STEAP1B: variants seen among roughly 807,000 people sequenced by gnomAD.
STEAP1B encodes STEAP family member 1B.
STEAP1B carries 13 observed loss-of-function variants against 27.9 expected under a neutral mutation model. That is an observed-to-expected ratio of 0.47 (90% confidence interval 0.30 to 0.74). The LOEUF (loss-of-function observed/expected upper bound fraction) is 0.74, where lower values mean the gene tolerates loss of function less well. Ranked by LOEUF, STEAP1B falls within the 30% of genes least tolerant of loss-of-function variation. The pLI is 0.06. For synonymous variants in STEAP1B, 86 were observed against 107.1 expected, an observed-to-expected ratio of 0.80 and a Z score of 1.22; for missense variants, 250 against 298.7, an observed-to-expected ratio of 0.84 and a Z score of 1.20.
At chr7:22,494,152 T>C in intron 2 of STEAP1B, among the ~76,000 whole-genome samples, 1 of 146,164 alleles carries the variant, frequency 6.8e-6, no homozygotes, top group East Asian at 2.0e-4. Context: ...CTATTAAAAT[T>C]ATTAAGATTA....
chr7:22,478,968 T>C (rs1221892207), intron 4 of STEAP1B, among the ~76,000 whole-genome samples: 2 of 152,092 alleles, frequency 1.3e-5, no homozygotes, highest in African/African-American at 4.8e-5. Flanking sequence ...CCCGGGGTCC[T>C]TGCCCAGCTC....
At chr7:22,450,302 C>T (rs754874650) in intron 4 of STEAP1B, among the ~76,000 whole-genome samples, 2 of 152,156 alleles carry the variant, frequency 1.3e-5, no homozygotes, top group Non-Finnish European at 2.9e-5. Flanking sequence ...TAGTTTCATA[C>T]TTGGGATCTT....
intron 4 of STEAP1B, among the ~76,000 whole-genome samples, chr7:22,432,747 T>C (rs553947231): frequency 4.6e-4 from 70 of 152,228 alleles, no homozygotes; most frequent in African/African-American, 1.5e-3. Context: ...GTACAATACC[T>C]GAATGAAAAT....
chr7:22,493,365 G>A lies in STEAP1B; in HGVS notation c.556C>T (p.Arg186Ter), dbSNP rs375277186. 70 of 1,613,890 alleles carry A rather than the reference G, an allele frequency of 4.3e-5. No homozygotes were observed. Among genetic ancestry groups the A allele is most frequent in the South Asian group, 1.2e-4 (11 of 91,070 alleles). Residue 186 changes from arginine (R) to a stop codon, truncating the protein, a stop_gained, in exon 3 of 5, where the codon CGA becomes TGA. Transcript: ENST00000678116. LOFTEE classifies it high-confidence loss of function. The part of the protein sequence containing the change: ...AIYTLSYAMR[R>*]SYRYKLLNWA... ...TTTAGCAACTTGTATCTGTAGGATC[G>A]CCTCATTGCGTAAGACAGAGTATAA...
At chr7:22,499,315 T>G (rs572535597) in intron 1 of STEAP1B, among the ~76,000 whole-genome samples, 2 of 152,156 alleles carry the variant, frequency 1.3e-5, no homozygotes, top group Non-Finnish European at 2.9e-5. Context: ...GCACTGCATT[T>G]CCAACCTTTT....
At chr7:22,445,724 A>G (rs1785399892) in intron 4 of STEAP1B, among the ~76,000 whole-genome samples, 1 of 152,290 alleles carries the variant, frequency 6.6e-6, no homozygotes, top group Admixed American at 6.5e-5. Context: ...CTCTCCAAGC[A>G]GCCCAACCCC....
chr7:22,438,507 C>A, intron 4 of STEAP1B: 1 of 1,550,428 alleles, frequency 6.4e-7, no homozygotes, highest in South Asian at 1.2e-5. Context: ...GAAAGATGAT[C>A]AGCAATAACT....
chr7:22,482,308 T>C (rs1786093617), intron 4 of STEAP1B, among the ~76,000 whole-genome samples: 1 of 152,198 alleles, frequency 6.6e-6, no homozygotes, highest in Admixed American at 6.5e-5. Flanking sequence ...CCAGATAAAA[T>C]AGAGGATGCC....
chr7:22,436,305 C>G (rs1785253417), intron 4 of STEAP1B, among the ~76,000 whole-genome samples: 1 of 152,086 alleles, frequency 6.6e-6, no homozygotes, highest in Non-Finnish European at 1.5e-5. Flanking sequence ...ATCCATGAAA[C>G]CATCACCACA....
At chr7:22,448,663 G>A (rs1043298192) in intron 4 of STEAP1B, among the ~76,000 whole-genome samples, 1 of 152,086 alleles carries the variant, frequency 6.6e-6, no homozygotes, top group African/African-American at 2.4e-5. Flanking sequence ...AAAATCAGGA[G>A]AGGTATACTT....
At chr7:22,481,959 T>C (rs968081160) in intron 4 of STEAP1B, among the ~76,000 whole-genome samples, 2 of 152,208 alleles carry the variant, frequency 1.3e-5, no homozygotes, top group Non-Finnish European at 2.9e-5. Context: ...TCATGCCTAA[T>C]TAAGTAAAAC....
intron 4 of STEAP1B, among the ~76,000 whole-genome samples, chr7:22,476,517 C>T (rs927188273): frequency 6.6e-6 from 1 of 152,140 alleles, no homozygotes; most frequent in African/African-American, 2.4e-5. Flanking sequence ...CTTCATTTAA[C>T]CCAAAACAAA....
At chr7:22,497,303 C>T (rs932926388) in intron 1 of STEAP1B, among the ~76,000 whole-genome samples, 5 of 152,152 alleles carry the variant, frequency 3.3e-5, no homozygotes, top group African/African-American at 1.2e-4. Flanking sequence ...CTTTTTTCTC[C>T]ATGCTCTAAG....
chr7:22,449,788 C>T (rs1447792838), intron 4 of STEAP1B, among the ~76,000 whole-genome samples: 5 of 152,182 alleles, frequency 3.3e-5, no homozygotes, highest in African/African-American at 7.2e-5. Context: ...TGCTTTTCTC[C>T]GTATCTTTGC....
chr7:22,495,570 C>G (rs1310843209), intron 1 of STEAP1B: 1 of 152,150 alleles, frequency 6.6e-6, no homozygotes, highest in African/African-American at 2.4e-5. Flanking sequence ...ATTGGTGTAA[C>G]ATTTTTTAGG....
intron 4 of STEAP1B, among the ~76,000 whole-genome samples, chr7:22,420,785 G>A (rs1445552899): frequency 6.6e-6 from 1 of 152,158 alleles, no homozygotes; most frequent in Admixed American, 6.5e-5. Context: ...TATTTGCCTG[G>A]CATATTCTAA....
At chr7:22,458,200 A>G (rs1444850692) in intron 4 of STEAP1B, among the ~76,000 whole-genome samples, 1 of 152,256 alleles carries the variant, frequency 6.6e-6, no homozygotes, top group Non-Finnish European at 1.5e-5. Flanking sequence ...CTGGGTGCCA[A>G]AATCACAGAG....
At chr7:22,428,040 G>A (rs1785130706) in intron 4 of STEAP1B, among the ~76,000 whole-genome samples, 1 of 152,184 alleles carries the variant, frequency 6.6e-6, no homozygotes, top group Non-Finnish European at 1.5e-5. Context: ...GGGCTGGCCT[G>A]ACAGAATTGT....
At chr7:22,499,137 T>G (rs1043403974) in intron 1 of STEAP1B, among the ~76,000 whole-genome samples, 1 of 152,252 alleles carries the variant, frequency 6.6e-6, no homozygotes, top group Admixed American at 6.5e-5. Flanking sequence ...AAGTTCTCTT[T>G]CACCCGCTTT....
Sources: allele counts gnomAD v4.1 joint callset (sites outside exome capture counted in the v4.1 genomes callset), GRCh38; gene constraint gnomAD v4.1.1; transcripts MANE v1.5; gene names NCBI Gene and HGNC (gene_info 2026-07-23, HGNC 2026-07-21).